Variants in ALK observed in about 807,000 individuals in gnomAD.
The protein encoded by ALK is ALK receptor tyrosine kinase.
A neutral mutation model predicts 163.1 loss-of-function variants in ALK; 74 were observed. The ratio of observed to expected loss-of-function variants is 0.45; its 90% CI spans 0.38 to 0.55. The LOEUF (loss-of-function observed/expected upper bound fraction) is 0.55, where lower values mean the gene tolerates loss of function less well. ALK is among the 20% of genes least tolerant of loss of function. The pLI, the probability that ALK is intolerant of heterozygous loss-of-function variation, is 0.00. For missense variants in ALK, 2,063 were observed against 2,105.3 expected, an observed-to-expected ratio of 0.98 and a Z score of 0.39; for synonymous variants, 960 against 843.2, an observed-to-expected ratio of 1.14 and a Z score of -2.40.
At chr2:29,603,755 T>C (rs1675442776) in intron 3 of ALK, among the ~76,000 whole-genome samples, 1 of 152,144 alleles carries the variant, frequency 6.6e-6, no homozygotes. Flanking sequence ...GAAGCACTGG[T>C]AGGTCAGTGA....
chr2:29,403,107 C>T (rs1336850473), intron 4 of ALK, among the ~76,000 whole-genome samples: 3 of 152,182 alleles, frequency 2.0e-5, no homozygotes, highest in African/African-American at 7.2e-5. Flanking sequence ...GACCAGGCCA[C>T]TCATAAAATG....
intron 4 of ALK, among the ~76,000 whole-genome samples, chr2:29,524,232 C>A (rs1672893648): frequency 6.6e-6 from 1 of 152,140 alleles, no homozygotes; most frequent in African/African-American, 2.4e-5. Context: ...AGGCAGTGTG[C>A]CAGACATTGC....
intron 5 of ALK, among the ~76,000 whole-genome samples, chr2:29,341,764 G>C (rs1173110723): frequency 6.6e-6 from 1 of 152,200 alleles, no homozygotes; most frequent in East Asian, 1.9e-4. Flanking sequence ...AAGAAGGTTT[G>C]GTGTTATCAA....
At chr2:29,574,375 T>G (rs1674465462) in intron 3 of ALK, among the ~76,000 whole-genome samples, 1 of 152,240 alleles carries the variant, frequency 6.6e-6, no homozygotes, top group African/African-American at 2.4e-5. Context: ...GGGGGTTAAG[T>G]ATCACCAACA....
chr2:29,240,549 A>T (rs1486342437), intron 12 of ALK, among the ~76,000 whole-genome samples: 1 of 152,186 alleles, frequency 6.6e-6, no homozygotes, highest in Non-Finnish European at 1.5e-5. Flanking sequence ...AGAATGACTG[A>T]GGAGAGCAGT....
At chr2:29,384,866 C>G (rs568930139) in intron 4 of ALK, among the ~76,000 whole-genome samples, 2 of 152,240 alleles carry the variant, frequency 1.3e-5, no homozygotes, top group East Asian at 3.9e-4. Flanking sequence ...TCCTGCCCAA[C>G]ATGGTGAAAC....
In ALK at chr2:29,896,663, T is replaced by C. The variant is rs74938272; in HGVS notation, c.667+23330A>G. 4.8e-3 allele frequency among the ~76,000 whole-genome samples: 731 copies of C among 152,302 alleles called. 8 individuals are homozygous for C. Among genetic ancestry groups the C allele is most frequent in the African/African-American group, 0.017 (699 of 41,560 alleles). On this transcript the variant is annotated intron_variant, in intron 1 of 28. Coordinates refer to ENST00000389048, the MANE Select transcript of ALK (RefSeq NM_004304.5). ...TCTGCTGCTTAAGCTTCCCATTCTG[T>C]AGGATTTTCTGATGGCAGCTCTAGC...
chr2:29,833,857 A>T (rs772349264), intron 1 of ALK, among the ~76,000 whole-genome samples: 4 of 152,156 alleles, frequency 2.6e-5, no homozygotes, highest in African/African-American at 9.7e-5. Context: ...AGCTCTAGAC[A>T]GTTTTGATGC....
In ALK at chr2:29,884,219, T is replaced by C. The variant is rs147862573; in HGVS notation, c.667+35774A>G. On this transcript the variant is annotated intron_variant, in intron 1 of 28. Coordinates refer to ENST00000389048, the MANE Select transcript of ALK (RefSeq NM_004304.5). ...TTTCTCTCCAGTAAATTTCATATCA[T>C]AGTAAAATGTGATCTCTCATAGTTC... Among the ~76,000 whole-genome samples, 64 of 152,348 alleles carry C rather than the reference T, an allele frequency of 4.2e-4. No homozygotes were observed. The East Asian group carries it at 4.4e-3, about 11-fold the overall frequency.
chr2:29,449,317 T>A (rs1020463692), intron 4 of ALK, among the ~76,000 whole-genome samples: 1 of 152,208 alleles, frequency 6.6e-6, no homozygotes, highest in African/African-American at 2.4e-5. Flanking sequence ...TCTGGGGGTC[T>A]ACAGGAAAGC....
At chr2:29,907,694 T>A (rs1004180179) in intron 1 of ALK, among the ~76,000 whole-genome samples, 1 of 152,186 alleles carries the variant, frequency 6.6e-6, no homozygotes, top group Non-Finnish European at 1.5e-5. Context: ...GGAAAACTCA[T>A]CTCTTTTTTT....
intron 4 of ALK, among the ~76,000 whole-genome samples, chr2:29,446,653 T>G (rs1670691750): frequency 6.6e-6 from 1 of 152,216 alleles, no homozygotes; most frequent in African/African-American, 2.4e-5. Flanking sequence ...GGCAGTAGAT[T>G]ACACTAATTT....
At chr2:29,379,867 G>A (rs1002848970) in intron 5 of ALK, among the ~76,000 whole-genome samples, 1 of 152,146 alleles carries the variant, frequency 6.6e-6, no homozygotes, top group Admixed American at 6.5e-5. Flanking sequence ...GTATATCCAA[G>A]AGACAGCAAC....
intron 4 of ALK, among the ~76,000 whole-genome samples, chr2:29,482,699 G>A (rs1671690821): frequency 6.6e-6 from 1 of 151,634 alleles, no homozygotes; most frequent in African/African-American, 2.4e-5. Flanking sequence ...TATTTTAGCT[G>A]ATGACAGAGC....
intron 4 of ALK, among the ~76,000 whole-genome samples, chr2:29,455,051 A>C (rs1361833022): frequency 6.6e-6 from 1 of 152,138 alleles, no homozygotes; most frequent in Non-Finnish European, 1.5e-5. Flanking sequence ...CGAGCTCTTG[A>C]AAAGGGTCCT....
intron 12 of ALK, among the ~76,000 whole-genome samples, chr2:29,240,978 A>G (rs1558633925): frequency 6.6e-6 from 1 of 152,174 alleles, no homozygotes; most frequent in Admixed American, 6.5e-5. Context: ...CAAGTGTGTG[A>G]GGGGCCTCCC....
intron 3 of ALK, among the ~76,000 whole-genome samples, chr2:29,602,202 C>T (rs1343542150): frequency 1.3e-5 from 2 of 151,980 alleles, no homozygotes; most frequent in African/African-American, 4.8e-5. Flanking sequence ...TTGACTTGTC[C>T]TTATTCTCAC....
intron 4 of ALK, among the ~76,000 whole-genome samples, chr2:29,461,407 C>G (rs1322688229): frequency 6.6e-6 from 1 of 152,128 alleles, no homozygotes; most frequent in Non-Finnish European, 1.5e-5. Context: ...GAAGTCAATA[C>G]CTGGCTTCAA....
chr2:29,217,876 A>C (rs1044749995), intron 23 of ALK, among the ~76,000 whole-genome samples: 4 of 106,512 alleles, frequency 3.8e-5, no homozygotes, highest in African/African-American at 7.0e-5. Context: ...CTTTCTCTTC[A>C]TGGCACATGT....
Sources: allele counts gnomAD v4.1 joint callset (sites outside exome capture counted in the v4.1 genomes callset), GRCh38; gene constraint gnomAD v4.1.1; transcripts MANE v1.5; gene names NCBI Gene and HGNC (gene_info 2026-07-23, HGNC 2026-07-21).